Variants in SDCCAG8 observed in about 807,000 individuals in gnomAD.
The protein encoded by SDCCAG8 is SHH signaling and ciliogenesis regulator SDCCAG8.
Under a neutral mutation model 101.8 loss-of-function variants are expected in SDCCAG8, and 74 were observed. That is an observed-to-expected ratio of 0.73 (90% CI 0.60 to 0.88). The LOEUF (loss-of-function observed/expected upper bound fraction) is 0.88, where lower values mean the gene tolerates loss of function less well. Ranked by LOEUF, SDCCAG8 falls within the 40% of genes least tolerant of loss-of-function variation. The pLI is 0.00. For missense variants in SDCCAG8, 787 were observed against 822.6 expected (o/e 0.96, Z 0.53); for synonymous variants, 281 against 292.9 (o/e 0.96, Z 0.41).
chr1:243,284,914 G>A (rs2069451817), intron 4 of SDCCAG8, among the ~76,000 whole-genome samples: 1 of 151,072 alleles, frequency 6.6e-6, no homozygotes. Flanking sequence ...ACGGAGTCTC[G>A]CTCTGTCACC....
At chr1:243,317,600 C>T (rs779166783) in intron 9 of SDCCAG8, among the ~76,000 whole-genome samples, 3 of 152,166 alleles carry the variant, frequency 2.0e-5, no homozygotes, top group Non-Finnish European at 2.9e-5. Context: ...AGATTACAGG[C>T]GTGAGCCACT....
At chr1:243,498,484 C>G (rs185133343) in intron 17 of SDCCAG8, among the ~76,000 whole-genome samples, 21 of 152,308 alleles carry the variant, frequency 1.4e-4, no homozygotes, top group African/African-American at 4.3e-4. Flanking sequence ...CGGAGCCCCA[C>G]CTGCATTCAG....
At chr1:243,495,590 G>A (rs1035019311) in intron 17 of SDCCAG8, among the ~76,000 whole-genome samples, 2 of 152,216 alleles carry the variant, frequency 1.3e-5, no homozygotes, top group Non-Finnish European at 2.9e-5. Context: ...GAGGGGACGA[G>A]GCCCCTCAGT....
chr1:243,362,766 G>A (rs1391318122), intron 12 of SDCCAG8, among the ~76,000 whole-genome samples: 2 of 152,184 alleles, frequency 1.3e-5, no homozygotes, highest in South Asian at 2.1e-4. Flanking sequence ...CCAGTGCATA[G>A]CAGTGGAGCT....
At chr1:243,286,809 G>A (rs2069664835) in intron 5 of SDCCAG8, among the ~76,000 whole-genome samples, 1 of 152,138 alleles carries the variant, frequency 6.6e-6, no homozygotes, top group Non-Finnish European at 1.5e-5. Flanking sequence ...AAAAATGTTG[G>A]CCTTAGGATC....
intron 12 of SDCCAG8, among the ~76,000 whole-genome samples, chr1:243,375,800 C>G (rs925032519): frequency 7.2e-5 from 11 of 152,146 alleles, no homozygotes; most frequent in African/African-American, 2.7e-4. Context: ...AAGGGTTATC[C>G]TGCCAGTGGG....
At chr1:243,338,975 A>AG (rs923897284) in intron 10 of SDCCAG8, 2 of 139,256 alleles carry the variant, frequency 1.4e-5, no homozygotes, top group Non-Finnish European at 3.1e-5. Flanking sequence ...TGACAACAGG[A>AG]GGGGAGACCT....
chr1:243,489,844 C>T (rs947933064), intron 17 of SDCCAG8, among the ~76,000 whole-genome samples: 102 of 152,314 alleles, frequency 6.7e-4, no homozygotes, highest in African/African-American at 2.4e-3. Flanking sequence ...GATCCGGGGC[C>T]ACCAGCAGGG....
At chr1:243,349,015 A>C (rs10803136) in intron 12 of SDCCAG8, among the ~76,000 whole-genome samples, 8,685 of 151,794 alleles carry the variant, frequency 0.057, 278 homozygotes, top group African/African-American at 0.076. Context: ...CAAAACAAAA[A>C]AAAAAAAACA....
chr1:243,308,113 C>T lies in SDCCAG8; in HGVS notation c.865C>T (p.His289Tyr), dbSNP rs550235853. The stretch of plus-strand genomic sequence containing the variant: ...TGGTCTTTGTTTGAAATGTGCTCAG[C>T]ATGAAGCTGTTCTTTCCCAAACCCA... The part of the protein sequence containing the change: ...VGGLCLKCAQ[H>Y]EAVLSQTHTN... The change falls in exon 8 of 18, where the codon CAT (histidine) becomes TAT (tyrosine). Residue 289 changes from histidine to tyrosine, a missense_variant. Transcript: ENST00000366541. 8.7e-6 allele frequency: 14 copies of T among 1,614,152 alleles called. No homozygotes were observed. Among genetic ancestry groups the T allele is most frequent in the African/African-American group, 1.3e-5 (1 of 75,052 alleles).
At chr1:243,408,608 C>G (rs1034525699) in intron 13 of SDCCAG8, among the ~76,000 whole-genome samples, 7 of 152,168 alleles carry the variant, frequency 4.6e-5, no homozygotes, top group African/African-American at 1.7e-4. Flanking sequence ...TCAACCTTCT[C>G]TCATTTCTCT....
chr1:243,315,620 G>C (rs1251350017), intron 8 of SDCCAG8, among the ~76,000 whole-genome samples: 1 of 152,034 alleles, frequency 6.6e-6, no homozygotes, highest in Non-Finnish European at 1.5e-5. Context: ...ACCACAAATA[G>C]TTTATTTTAC....
At chr1:243,494,989 ACTGT>A (rs1403438387) in intron 17 of SDCCAG8, among the ~76,000 whole-genome samples, 1 of 152,258 alleles carries the variant, frequency 6.6e-6, no homozygotes, top group East Asian at 1.9e-4. Flanking sequence ...TGTTGGTGAC[ACTGT>A]CTGTCCTTTG....
chr1:243,413,752 C>T (rs2080356869), intron 13 of SDCCAG8, among the ~76,000 whole-genome samples: 2 of 152,082 alleles, frequency 1.3e-5, no homozygotes, highest in Admixed American at 1.3e-4. Context: ...ATCTCTGGCT[C>T]CTGCCCCGGC....
intron 10 of SDCCAG8, among the ~76,000 whole-genome samples, 185 bp from the exon 11 acceptor site, chr1:243,340,853 GA>G (rs1444263044): frequency 3.3e-5 from 5 of 152,188 alleles, no homozygotes; most frequent in Non-Finnish European, 7.4e-5. Flanking sequence ...GAATAGGAGA[GA>G]AGTACATATT....
intron 7 of SDCCAG8, chr1:243,307,347 A>G (rs1023318350): frequency 6.1e-6 from 6 of 980,514 alleles, no homozygotes; most frequent in African/African-American, 1.8e-5. Flanking sequence ...TACCCCTGAA[A>G]TCTTATGACT....
chr1:243,420,857 C>G lies in SDCCAG8; in HGVS notation c.1853+2781C>G, dbSNP rs865836188. ...GTTTTACATTCCATTTTGATGTTAC[C>G]TTCTGCTTTGAAACCACCTATAAAA... On this transcript the variant is annotated intron_variant, in intron 15 of 17. Transcript: ENST00000366541. Among the ~76,000 whole-genome samples, 3 of 152,130 alleles carry G rather than the reference C, an allele frequency of 2.0e-5. No homozygotes were observed. The Middle Eastern group carries it at 0.01, about 517-fold the overall frequency.
intron 17 of SDCCAG8, 119 bp downstream of exon 17, chr1:243,489,259 A>G (rs538625340): frequency 1.5e-6 from 2 of 1,362,534 alleles, no homozygotes; most frequent in Admixed American, 2.1e-5. Context: ...GTAAGCTGGG[A>G]GGGAGGTCCC....
At chr1:243,340,953 T>C in intron 10 of SDCCAG8, 86 bp from the exon 11 acceptor site, 1 of 1,374,714 alleles carries the variant, frequency 7.3e-7, no homozygotes, top group Non-Finnish European at 1.0e-6. Context: ...CCAGTGACTA[T>C]GCTGAGACGC....
Sources: gnomAD v4.1 joint callset for allele counts (sites outside exome capture counted in the v4.1 genomes callset) on GRCh38, gnomAD v4.1.1 for gene constraint, MANE v1.5 for transcripts, NCBI Gene and HGNC (gene_info 2026-07-23, HGNC 2026-07-21) for gene names.